KCNMB3: variants seen among roughly 807,000 people sequenced by gnomAD.
KCNMB3 encodes calcium-activated potassium channel subunit beta-3.
A neutral mutation model predicts 11.9 loss-of-function variants in KCNMB3; 18 were observed. The observed-to-expected ratio is 1.51, with a 90% confidence interval of 1.04 to 2.23. The LOEUF (loss-of-function observed/expected upper bound fraction) is 2.23, where lower values mean the gene tolerates loss of function less well. KCNMB3 is among the 30% of genes most tolerant of loss of function. The pLI, the probability that KCNMB3 is intolerant of heterozygous loss-of-function variation, is 0.00. For synonymous variants in KCNMB3, 78 were observed against 119.2 expected, an observed-to-expected ratio of 0.65 and a Z score of 2.25; for missense variants, 247 against 329.4, an observed-to-expected ratio of 0.75 and a Z score of 1.94.
At chr3:179,261,181 C>A in intron 1 of KCNMB3, 1 of 1,348,434 alleles carries the variant, frequency 7.4e-7, no homozygotes, top group Non-Finnish European at 1.0e-6. Flanking sequence ...CGCGGGCCTC[C>A]CGTTTTGCGG....
intron 1 of KCNMB3, chr3:179,260,565 C>T: frequency 6.3e-7 from 1 of 1,575,554 alleles, no homozygotes; most frequent in Non-Finnish European, 8.7e-7. Flanking sequence ...AGGGTCCCAT[C>T]CCCTGTCGAC....
chr3:179,260,411 C>T (rs1304392317), intron 1 of KCNMB3: 6 of 1,613,874 alleles, frequency 3.7e-6, no homozygotes, highest in Non-Finnish European at 4.2e-6. Flanking sequence ...CCTCGGTATT[C>T]TCACCAGCAG....
chr3:179,257,699 T>C (rs1196256730), intron 1 of KCNMB3, among the ~76,000 whole-genome samples: 2 of 152,160 alleles, frequency 1.3e-5, no homozygotes, highest in Non-Finnish European at 2.9e-5. Context: ...AGAGAAGTAA[T>C]TTTAAGGTTC....
intron 1 of KCNMB3, among the ~76,000 whole-genome samples, chr3:179,258,042 G>A (rs542096745): frequency 2.6e-4 from 40 of 152,124 alleles, no homozygotes; most frequent in Non-Finnish European, 5.4e-4. Context: ...CCACCACCAC[G>A]CCTGGCCAAT....
intron 1 of KCNMB3, among the ~76,000 whole-genome samples, chr3:179,250,364 C>A (rs549298733): frequency 1.3e-5 from 2 of 152,242 alleles, no homozygotes; most frequent in South Asian, 2.1e-4. Context: ...CTGTCAAACT[C>A]AAAAAATTCA....
chr3:179,260,359 A>G, intron 1 of KCNMB3: 1 of 1,613,986 alleles, frequency 6.2e-7, no homozygotes. Flanking sequence ...GCACCTGCTA[A>G]GGTTCCTAGG....
intron 1 of KCNMB3, chr3:179,260,977 C>A: frequency 1.0e-6 from 1 of 1,003,914 alleles, no homozygotes; most frequent in Non-Finnish European, 1.6e-6. Context: ...CCCTGATGGA[C>A]GCCTCGGTGT....
At chr3:179,262,585 G>A (rs1260851730) in intron 1 of KCNMB3, among the ~76,000 whole-genome samples, 1 of 152,250 alleles carries the variant, frequency 6.6e-6, no homozygotes, top group Non-Finnish European at 1.5e-5. Flanking sequence ...GCTGGCTGGG[G>A]CAGCCTACTT....
chr3:179,248,787 A>G (rs542244862), intron 1 of KCNMB3, among the ~76,000 whole-genome samples: 5 of 152,024 alleles, frequency 3.3e-5, no homozygotes, highest in Non-Finnish European at 7.4e-5. Flanking sequence ...AGCCTTACCA[A>G]TAAACAGTTG....
At chr3:179,259,442 C>T in intron 1 of KCNMB3, 1 of 1,612,214 alleles carries the variant, frequency 6.2e-7, no homozygotes, top group Non-Finnish European at 8.5e-7. Flanking sequence ...CTAGTACCTC[C>T]TCAGCTGCTG....
At chr3:179,262,480 G>A (rs6773405) in intron 1 of KCNMB3, among the ~76,000 whole-genome samples, 71,452 of 152,070 alleles carry the variant, frequency 0.47, 18,640 homozygotes, top group East Asian at 0.87. Flanking sequence ...TAAAGGCAGC[G>A]TGGACCCAAA....
At chr3:179,245,541 G>A (rs1386385625) in intron 1 of KCNMB3, among the ~76,000 whole-genome samples, 2 of 151,346 alleles carry the variant, frequency 1.3e-5, no homozygotes, top group Non-Finnish European at 2.9e-5. Flanking sequence ...TTTCGCTCTT[G>A]TTGCCCAGGC....
At chr3:179,253,246 G>T (rs149693503), upstream of KCNMB3, among the ~76,000 whole-genome samples, 7 of 152,198 alleles carry the variant, frequency 4.6e-5, no homozygotes, top group East Asian at 1.4e-3. Flanking sequence ...TTATAATGAG[G>T]TCGCTCTTCT....
upstream of KCNMB3, among the ~76,000 whole-genome samples, chr3:179,256,169 C>A (rs1726004230): frequency 6.6e-6 from 1 of 152,244 alleles, no homozygotes; most frequent in Non-Finnish European, 1.5e-5. Context: ...GACACAGTGG[C>A]TCACGCCTGT....
chr3:179,242,152 T>C (rs1725476561), downstream of KCNMB3: 2 of 152,342 alleles, frequency 1.3e-5, no homozygotes, highest in Admixed American at 6.5e-5. Flanking sequence ...CCCAGCACTT[T>C]GGGAGGCCAA....
chr3:179,241,765 T>C (rs1560153214), downstream of KCNMB3: 1 of 153,978 alleles, frequency 6.5e-6, no homozygotes, highest in Non-Finnish European at 1.5e-5. Flanking sequence ...TGACTATCCA[T>C]GTGGGACTTC....
chr3:179,266,076 C>T (rs547149618), intron 1 of KCNMB3, among the ~76,000 whole-genome samples: 1 of 152,346 alleles, frequency 6.6e-6, no homozygotes, highest in East Asian at 1.9e-4. Flanking sequence ...TGTGCTGAGA[C>T]ACGCAGGGGC....
chr3:179,253,466 A>T (rs572428026), upstream of KCNMB3, among the ~76,000 whole-genome samples: 2 of 152,150 alleles, frequency 1.3e-5, no homozygotes, highest in Non-Finnish European at 2.9e-5. Flanking sequence ...AAGTTATTTC[A>T]TGTGTGGGGA....
intron 1 of KCNMB3, chr3:179,259,920 A>C (rs1726149498): frequency 6.2e-7 from 1 of 1,613,060 alleles, no homozygotes; most frequent in African/African-American, 1.3e-5. Flanking sequence ...CTCATCCCTT[A>C]ATCCTTTTTC....
Sources: allele counts gnomAD v4.1 joint callset (sites outside exome capture counted in the v4.1 genomes callset), GRCh38; gene constraint gnomAD v4.1.1; transcripts MANE v1.5; gene names NCBI Gene and HGNC (gene_info 2026-07-23, HGNC 2026-07-21).